Variants in VAT1L observed in about 807,000 individuals in gnomAD.
VAT1L encodes putative NADPH-dependent quinone oxidoreductase VAT1L.
A neutral mutation model predicts 44.1 loss-of-function variants in VAT1L; 34 were observed. The ratio of observed to expected loss-of-function variants is 0.77; its 90% CI spans 0.59 to 1.03. The LOEUF is 1.03. Among genes scored for constraint, VAT1L ranks in the 50% least tolerant of loss-of-function variants. The probability of loss-of-function intolerance (pLI) is 0.00; values close to 1 mark genes in which losing one functional copy is unlikely to be tolerated. For missense variants in VAT1L, 615 were observed against 538.8 expected (o/e 1.14, Z -1.40); for synonymous variants, 253 against 202.2 (o/e 1.25, Z -2.13).
At chr16:77,888,575 C>G (rs988935531) in intron 7 of VAT1L, among the ~76,000 whole-genome samples, 1 of 152,158 alleles carries the variant, frequency 6.6e-6, no homozygotes, top group Non-Finnish European at 1.5e-5. Context: ...AAATAAAAGA[C>G]AGGGTTTCTC....
chr16:77,961,090 C>T (rs1187493931), intron 7 of VAT1L, among the ~76,000 whole-genome samples: 1 of 152,098 alleles, frequency 6.6e-6, no homozygotes, highest in African/African-American at 2.4e-5. Flanking sequence ...GAGCATCTAT[C>T]AGGACGCTGC....
chr16:77,939,302 G>A (rs902932640), intron 7 of VAT1L, among the ~76,000 whole-genome samples: 1 of 152,158 alleles, frequency 6.6e-6, no homozygotes, highest in Non-Finnish European at 1.5e-5. Flanking sequence ...CAGTATGCAC[G>A]AGCTCCTGAG....
intron 3 of VAT1L, among the ~76,000 whole-genome samples, chr16:77,832,421 A>C (rs2016590224): frequency 6.6e-6 from 1 of 152,168 alleles, no homozygotes; most frequent in African/African-American, 2.4e-5. Flanking sequence ...ATTTAGAGAC[A>C]ACCTAAAGAC....
intron 7 of VAT1L, among the ~76,000 whole-genome samples, chr16:77,950,952 A>G (rs2018035136): frequency 1.3e-5 from 2 of 152,194 alleles, no homozygotes; most frequent in African/African-American, 4.8e-5. Context: ...TCCTCCGGTA[A>G]ATTACTGGAT....
intron 4 of VAT1L, among the ~76,000 whole-genome samples, chr16:77,872,845 A>G (rs1043875207): frequency 1.3e-5 from 2 of 152,230 alleles, no homozygotes; most frequent in African/African-American, 2.4e-5. Flanking sequence ...ACAACTCAGC[A>G]TGCACAGTGC....
intron 3 of VAT1L, among the ~76,000 whole-genome samples, chr16:77,843,754 T>C (rs254769): frequency 0.58 from 88,490 of 151,992 alleles, 26,328 homozygotes; most frequent in African/African-American, 0.7. Flanking sequence ...AACTGGTCCC[T>C]GATAAAAACT....
intron 3 of VAT1L, among the ~76,000 whole-genome samples, chr16:77,839,535 C>CTAAA (rs2016680204): frequency 2.0e-4 from 10 of 49,082 alleles, no homozygotes; most frequent in Admixed American, 3.6e-4. Flanking sequence ...TACTCCATAT[C>CTAAA]AAAAAAAAAA....
At chr16:77,822,010 T>A (rs978420627) in intron 2 of VAT1L, among the ~76,000 whole-genome samples, 7 of 152,354 alleles carry the variant, frequency 4.6e-5, no homozygotes, top group Admixed American at 3.3e-4. Context: ...AGCATGCCCA[T>A]AAGGGAGACA....
At chr16:77,901,020 G>A (rs2017376380) in intron 7 of VAT1L, among the ~76,000 whole-genome samples, 1 of 152,108 alleles carries the variant, frequency 6.6e-6, no homozygotes, top group South Asian at 2.1e-4. Context: ...CGGTTGGCAA[G>A]CATCAAGTTC....
At chr16:77,962,568 G>A (rs965670434) in intron 7 of VAT1L, among the ~76,000 whole-genome samples, 1 of 132,290 alleles carries the variant, frequency 7.6e-6, no homozygotes, top group Non-Finnish European at 1.7e-5. Context: ...ATCATAGGCG[G>A]GACCATCCTA....
chr16:77,864,140 T>C (rs954842305), intron 4 of VAT1L, among the ~76,000 whole-genome samples: 12 of 152,160 alleles, frequency 7.9e-5, no homozygotes, highest in African/African-American at 2.9e-4. Flanking sequence ...TGTCTCACTC[T>C]GGCTATTGCT....
At chr16:77,914,302 A>G (rs557698692) in intron 7 of VAT1L, among the ~76,000 whole-genome samples, 1 of 152,348 alleles carries the variant, frequency 6.6e-6, no homozygotes, top group African/African-American at 2.4e-5. Flanking sequence ...TCATTTGGCT[A>G]TCTATGCTTT....
At chr16:77,889,586 C>T (rs751071743) in intron 7 of VAT1L, among the ~76,000 whole-genome samples, 1 of 152,160 alleles carries the variant, frequency 6.6e-6, no homozygotes, top group Non-Finnish European at 1.5e-5. Context: ...CATTGCTGAG[C>T]ACCTACTATG....
chr16:77,948,175 T>C (rs1165327858), intron 7 of VAT1L, among the ~76,000 whole-genome samples: 1 of 152,232 alleles, frequency 6.6e-6, no homozygotes, highest in African/African-American at 2.4e-5. Flanking sequence ...TCCCACACTC[T>C]GTTGGAATTG....
At chr16:77,832,080 G>A (rs914538543) in intron 3 of VAT1L, among the ~76,000 whole-genome samples, 1 of 149,336 alleles carries the variant, frequency 6.7e-6, no homozygotes, top group African/African-American at 2.5e-5. Context: ...CACCAACCTC[G>A]GCTTCTCAAA....
chr16:77,824,890 A>G (rs2016500812), intron 2 of VAT1L, among the ~76,000 whole-genome samples: 1 of 97,894 alleles, frequency 1.0e-5, no homozygotes, highest in Admixed American at 1.4e-4. Context: ...TTTTGGAGGC[A>G]GAGTCTTGCT....
At chr16:77,948,956 A>G (rs1291597123) in intron 7 of VAT1L, among the ~76,000 whole-genome samples, 1 of 152,194 alleles carries the variant, frequency 6.6e-6, no homozygotes, top group Non-Finnish European at 1.5e-5. Flanking sequence ...GGTGTCAGCC[A>G]TTAAAATCAC....
chr16:77,877,042 T>C (rs1293998135), intron 5 of VAT1L, among the ~76,000 whole-genome samples: 1 of 151,982 alleles, frequency 6.6e-6, no homozygotes, highest in Non-Finnish European at 1.5e-5. Context: ...CCTGGATAGA[T>C]GGAACTCATG....
At chr16:77,829,065 G>A (rs995214254) in intron 3 of VAT1L, among the ~76,000 whole-genome samples, 8 of 152,194 alleles carry the variant, frequency 5.3e-5, no homozygotes, top group East Asian at 1.9e-4. Context: ...TCAAAGTAGC[G>A]AATTGCAGAA....
Sources: allele counts gnomAD v4.1 joint callset (sites outside exome capture counted in the v4.1 genomes callset), GRCh38; gene constraint gnomAD v4.1.1; transcripts MANE v1.5; gene names NCBI Gene and HGNC (gene_info 2026-07-23, HGNC 2026-07-21).